PPARGC1B: variants seen among roughly 807,000 people sequenced by gnomAD.
PPARGC1B encodes the protein PPARG coactivator 1 beta.
Under a neutral mutation model 101.6 loss-of-function variants are expected in PPARGC1B, and 34 were observed. The observed-to-expected ratio is 0.33, with a 90% CI of 0.25 to 0.45. The LOEUF (loss-of-function observed/expected upper bound fraction) is 0.45, where lower values mean the gene tolerates loss of function less well. Among genes scored for constraint, PPARGC1B ranks in the 20% least tolerant of loss-of-function variants. The pLI is 1.00. For missense variants in PPARGC1B, 1,234 were observed against 1,317.6 expected (o/e 0.94, Z 0.98); for synonymous variants, 548 against 539.3 (o/e 1.02, Z -0.22).
intron 1 of PPARGC1B, among the ~76,000 whole-genome samples, chr5:149,760,120 C>T (rs55954911): frequency 0.11 from 17,014 of 152,224 alleles, 1,270 homozygotes; most frequent in Admixed American, 0.23. Flanking sequence ...TCATTCCTTA[C>T]GCATACACTG....
intron 1 of PPARGC1B, among the ~76,000 whole-genome samples, chr5:149,786,116 G>A (rs186218633): frequency 2.4e-4 from 36 of 151,660 alleles, no homozygotes; most frequent in African/African-American, 7.7e-4. Context: ...TTTTTGAGAT[G>A]GAGTCTTGCT....
At chr5:149,801,634 AGGGAGCCAGT>A (rs141667927) in intron 1 of PPARGC1B, among the ~76,000 whole-genome samples, 1,946 of 152,302 alleles carry the variant, frequency 0.013, 22 homozygotes, top group Admixed American at 0.019. Context: ...GAGGAATCAG[AGGGAGCCAGT>A]GGGGTCAGGT....
At chr5:149,771,443 A>G (rs781304124) in intron 1 of PPARGC1B, among the ~76,000 whole-genome samples, 7 of 152,224 alleles carry the variant, frequency 4.6e-5, no homozygotes, top group Non-Finnish European at 7.3e-5. Context: ...GGAGGGCCAG[A>G]GTGATGCCCC....
intron 1 of PPARGC1B, among the ~76,000 whole-genome samples, chr5:149,731,331 C>T (rs530493067): frequency 6.6e-6 from 1 of 152,248 alleles, no homozygotes; most frequent in Admixed American, 6.5e-5. Flanking sequence ...ACGAGGCGTG[C>T]GCGGCCCCCA....
chr5:149,841,972 C>T (rs1423541441), intron 9 of PPARGC1B, among the ~76,000 whole-genome samples: 1 of 152,212 alleles, frequency 6.6e-6, no homozygotes, highest in Non-Finnish European at 1.5e-5. Context: ...GCAGGCATAT[C>T]AATGGTGATA....
chr5:149,840,675 T>C (rs1195157060), intron 9 of PPARGC1B, among the ~76,000 whole-genome samples: 1 of 152,194 alleles, frequency 6.6e-6, no homozygotes, highest in Non-Finnish European at 1.5e-5. Flanking sequence ...GGCCCTGGCC[T>C]TCTGCCTTTG....
At chr5:149,750,453 A>AAAATATATAT (rs1223165218) in intron 1 of PPARGC1B, among the ~76,000 whole-genome samples, 3 of 123,238 alleles carry the variant, frequency 2.4e-5, no homozygotes, top group Non-Finnish European at 5.1e-5. Context: ...TTTTAGTTAA[A>AAAATATATAT]ATATATATAT....
At chr5:149,739,507 C>T (rs945191625) in intron 1 of PPARGC1B, among the ~76,000 whole-genome samples, 1 of 152,186 alleles carries the variant, frequency 6.6e-6, no homozygotes, top group Admixed American at 6.5e-5. Context: ...GATACAGGTA[C>T]ACCTTGCCAT....
At chr5:149,819,496 TTTTTTTTGTTTGTTTTTCG>T (rs1758191857) in intron 1 of PPARGC1B, among the ~76,000 whole-genome samples, 1 of 150,664 alleles carries the variant, frequency 6.6e-6, no homozygotes, top group African/African-American at 2.5e-5. Flanking sequence ...TTGTTTTTGT[TTTTTTTTGTTTGTTTTTCG>T]TTTTTTTGAG....
At chr5:149,822,878 C>T (rs573405720) in intron 2 of PPARGC1B, among the ~76,000 whole-genome samples, 1 of 151,718 alleles carries the variant, frequency 6.6e-6, no homozygotes, top group East Asian at 1.9e-4. Flanking sequence ...AGGTTCTAGT[C>T]CCCCTTCTGG....
chr5:149,809,514 A>C (rs1404778470), intron 1 of PPARGC1B, among the ~76,000 whole-genome samples: 2 of 115,818 alleles, frequency 1.7e-5, no homozygotes, highest in African/African-American at 6.0e-5. Context: ...AGATAGATAG[A>C]TAGATAGATA....
intron 3 of PPARGC1B, among the ~76,000 whole-genome samples, chr5:149,830,030 C>CAAAAAAAAAAAAAAAAA (rs60711433): frequency 5.9e-4 from 20 of 34,180 alleles, no homozygotes; most frequent in East Asian, 1.4e-3. Context: ...GACTGCATCT[C>CAAAAAAAAAAAAAAAAA]AAAAAAAAAA....
chr5:149,753,827 G>A (rs1281506654), intron 1 of PPARGC1B, among the ~76,000 whole-genome samples: 2 of 152,058 alleles, frequency 1.3e-5, no homozygotes, highest in East Asian at 1.9e-4. Flanking sequence ...CTGAGTAGCT[G>A]GGATTACAGG....
At chr5:149,811,098 C>T (rs780192097) in intron 1 of PPARGC1B, among the ~76,000 whole-genome samples, 2 of 152,156 alleles carry the variant, frequency 1.3e-5, no homozygotes, top group African/African-American at 2.4e-5. Flanking sequence ...TGTCTTTTAG[C>T]GAAGCCATAT....
At position 149,845,748 on chromosome 5, in the gene PPARGC1B, C is replaced by G. The variant is rs561250734; in HGVS notation, c.2817-12C>G. 3 of 1,596,944 alleles carry G rather than the reference C, an allele frequency of 1.9e-6. No individual in the cohort carries two copies. The highest frequency in any genetic ancestry group is 2.6e-6 in the Non-Finnish European group (3 of 1,168,682). On this transcript the variant is annotated splice_polypyrimidine_tract_variant and intron_variant, in intron 10 of 11. Transcript: ENST00000309241. ...AGCCCAATAACATACTCTCCTTGCT[C>G]CCTCCCCGCAGAGGCGAGAAGTACG...
intron 2 of PPARGC1B, among the ~76,000 whole-genome samples, chr5:149,822,693 C>T (rs1213865399): frequency 6.6e-6 from 1 of 152,242 alleles, no homozygotes; most frequent in Non-Finnish European, 1.5e-5. Context: ...TCATGGGCTC[C>T]CATCTCTTGC....
Position 149,813,141 on chromosome 5 carries a change from G to A in PPARGC1B, c.79-7292G>A, listed in dbSNP as rs1254112449. Among the ~76,000 whole-genome samples the A allele has an allele frequency of 3.3e-5, 5 of 152,332 alleles. No homozygotes were observed. The East Asian group carries it at 7.7e-4, about 23-fold the overall frequency. Reference sequence around the variant, plus strand: ...TTAGCAGGGTGTCGGGCTGGGATCAGTTAGTGGTATCGCCATGGAAAGAGG... The same window carrying A: ...TTAGCAGGGTGTCGGGCTGGGATCAATTAGTGGTATCGCCATGGAAAGAGG... On this transcript the variant is annotated intron_variant, in intron 1 of 11. Coordinates refer to ENST00000309241, the MANE Select transcript of PPARGC1B (RefSeq NM_133263.4).
intron 1 of PPARGC1B, among the ~76,000 whole-genome samples, chr5:149,801,228 A>C (rs1419995846): frequency 6.6e-6 from 1 of 152,198 alleles, no homozygotes; most frequent in Non-Finnish European, 1.5e-5. Flanking sequence ...ATACTCATGC[A>C]TATAAATGTT....
intron 1 of PPARGC1B, among the ~76,000 whole-genome samples, chr5:149,811,473 A>G (rs1023815077): frequency 6.6e-6 from 1 of 152,230 alleles, no homozygotes; most frequent in Non-Finnish European, 1.5e-5. Flanking sequence ...CGGACCAGTT[A>G]GTGAAATTTT....
Sources: allele counts gnomAD v4.1 joint callset (sites outside exome capture counted in the v4.1 genomes callset), GRCh38; gene constraint gnomAD v4.1.1; transcripts MANE v1.5; gene names NCBI Gene and HGNC (gene_info 2026-07-23, HGNC 2026-07-21).